ARAP2: variants seen among roughly 807,000 people sequenced by gnomAD.
ARAP2 encodes arf-GAP with Rho-GAP domain, ANK repeat and PH domain-containing protein 2.
In ARAP2, 148 loss-of-function variants were observed where a neutral mutation model predicts 194.5. That is an observed-to-expected ratio of 0.76 (90% CI 0.67 to 0.87). The LOEUF (loss-of-function observed/expected upper bound fraction) is 0.87, where lower values mean the gene tolerates loss of function less well. Among genes scored for constraint, ARAP2 ranks in the 40% least tolerant of loss-of-function variants. The pLI, the probability that ARAP2 is intolerant of heterozygous loss-of-function variation, is 0.00. For synonymous variants in ARAP2, 695 were observed against 683.5 expected (o/e 1.02, Z -0.26); for missense variants, 2,128 against 1,989.7 (o/e 1.07, Z -1.32).
intron 25 of ARAP2, among the ~76,000 whole-genome samples, chr4:36,114,745 G>T (rs577904043): frequency 6.6e-6 from 1 of 152,078 alleles, no homozygotes; most frequent in South Asian, 2.1e-4. Context: ...TTGGTAGTCT[G>T]TGGTGTGCCC....
chr4:36,041,245 C>G (rs1251135907), intron 5 of ARAP2, among the ~76,000 whole-genome samples: 2 of 151,968 alleles, frequency 1.3e-5, no homozygotes, highest in African/African-American at 4.8e-5. Context: ...GACAACCTAC[C>G]TACAGAATGG....
At chr4:36,036,001 T>C (rs139070287) in intron 5 of ARAP2, among the ~76,000 whole-genome samples, 2 of 152,270 alleles carry the variant, frequency 1.3e-5, no homozygotes, top group African/African-American at 4.8e-5. Context: ...ATTTTTTTCA[T>C]GCTGCAACGT....
At chr4:36,062,641 T>TGTGC (rs139729844), downstream of ARAP2, among the ~76,000 whole-genome samples, 2 of 149,574 alleles carry the variant, frequency 1.3e-5, no homozygotes, top group Non-Finnish European at 3.0e-5. Context: ...AGAGTGTGTG[T>TGTGC]GTGTGTGTGT....
chr4:36,088,663 A>G (rs1358466999), intron 28 of ARAP2, among the ~76,000 whole-genome samples: 3 of 152,082 alleles, frequency 2.0e-5, no homozygotes, highest in Non-Finnish European at 4.4e-5. Context: ...TGGAATGTAT[A>G]CACAGAATAC....
chr4:36,060,067 A>G lies in ARAP2; in HGVS notation n.148-1924T>C, dbSNP rs145902317. ...TCCTCCCCAGTGAGATATAAATGCT[A>G]CTTCTATCTTATGAAGGTTGTTGTT... On this transcript the variant is annotated intron_variant and non_coding_transcript_variant, in intron 1 of 12. Transcript: ENST00000503225. Among the ~76,000 whole-genome samples, 1,118 of 152,270 alleles carry G rather than the reference A, an allele frequency of 7.3e-3. 6 individuals carry two copies. The highest frequency in any genetic ancestry group is 0.011 in the Non-Finnish European group (752 of 67,996).
At chr4:36,210,103 T>G (rs1162815242) in intron 6 of ARAP2, among the ~76,000 whole-genome samples, 3 of 152,170 alleles carry the variant, frequency 2.0e-5, no homozygotes, top group African/African-American at 7.2e-5. Context: ...TTAGCACATT[T>G]TGATGCGAAC....
At position 36,160,600 on chromosome 4, in the gene ARAP2, C is replaced by A; in HGVS notation, c.2301G>T (p.Trp767Cys). 1.3e-6 allele frequency: 2 copies of A among 1,496,292 alleles called. No homozygotes were observed. The highest frequency in any genetic ancestry group is 2.7e-5 in the Admixed American group (1 of 36,926). 92.7% of individuals were successfully genotyped at this position (1,496,292 alleles called of 1,614,324 possible). The change falls in exon 13 of 33, where the codon TGG becomes TGT. Residue 767 changes from tryptophan (W) to cysteine (C), a missense_variant. Transcript: ENST00000303965. ...VIGNKRANDF[W>C]AGNLQKDEEL... is the part of the protein sequence containing the mutation. Reference sequence around the variant, plus strand: ...CTTCATCCTTTTGAAGATTACCAGCCCAAAAGTCATTTGCTCTTTTGTTTC... The same window carrying A: ...CTTCATCCTTTTGAAGATTACCAGCACAAAAGTCATTTGCTCTTTTGTTTC...
chr4:36,146,403 C>A (rs1222849717), intron 19 of ARAP2, among the ~76,000 whole-genome samples: 1 of 152,034 alleles, frequency 6.6e-6, no homozygotes, highest in East Asian at 1.9e-4. Context: ...CAAATATTCA[C>A]ACATCATGAC....
Position 36,228,715 on chromosome 4 carries a change from A to G in ARAP2, c.772T>C (p.Tyr258His). Residue 258 changes from tyrosine to histidine, a missense_variant, in exon 2 of 33, where the codon TAT becomes CAT. Tyr to His is a moderately conservative substitution (Grantham distance 83). Coordinates refer to ENST00000303965, the MANE Select transcript of ARAP2 (RefSeq NM_015230.4). Reference sequence around the variant, plus strand: ...GCTAGGATTGGTGATGATGGAACATACAAGTCATTTACAATCATTTCTCCT... The same window carrying G: ...GCTAGGATTGGTGATGATGGAACATGCAAGTCATTTACAATCATTTCTCCT... ...FQGEMIVNDL[Y>H]VPSSPILAPV... 6.2e-7 allele frequency: 1 copy of G among 1,614,136 alleles called. No individual in the cohort carries two copies. Among genetic ancestry groups the G allele is most frequent in the Non-Finnish European group, 8.5e-7 (1 of 1,180,004 alleles).
chr4:36,196,598 G>A (rs922337901), intron 6 of ARAP2, among the ~76,000 whole-genome samples: 1 of 152,044 alleles, frequency 6.6e-6, no homozygotes, highest in Non-Finnish European at 1.5e-5. Context: ...TGAAGGGACA[G>A]GTAAATAAGA....
intron 19 of ARAP2, among the ~76,000 whole-genome samples, chr4:36,141,342 G>C (rs985716829): frequency 1.3e-5 from 2 of 151,558 alleles, no homozygotes; most frequent in Admixed American, 6.6e-5. Flanking sequence ...GTGTGATCAA[G>C]AAAGCTTTAT....
At chr4:36,142,334 A>G (rs1728546094) in intron 19 of ARAP2, among the ~76,000 whole-genome samples, 1 of 151,528 alleles carries the variant, frequency 6.6e-6, no homozygotes. Flanking sequence ...TTTCCATCAA[A>G]ATTTAAACTT....
At chr4:36,188,126 T>A (rs1159188592) in intron 7 of ARAP2, among the ~76,000 whole-genome samples, 1 of 152,174 alleles carries the variant, frequency 6.6e-6, no homozygotes, top group Non-Finnish European at 1.5e-5. Context: ...AAAAGACAGA[T>A]TTTTCTGTTT....
At chr4:36,046,420 C>A (rs908750066) in intron 4 of ARAP2, among the ~76,000 whole-genome samples, 1 of 152,066 alleles carries the variant, frequency 6.6e-6, no homozygotes, top group African/African-American at 2.4e-5. Flanking sequence ...AGCTCCTGGG[C>A]TCAAGGAATC....
intron 11 of ARAP2, 56 bp from the exon 12 acceptor site, chr4:36,161,606 C>A (rs1442709617): frequency 1.4e-6 from 2 of 1,466,608 alleles, no homozygotes; most frequent in Non-Finnish European, 1.9e-6. Flanking sequence ...ATTTATTTTA[C>A]CTTGTTTTGA....
At chr4:36,099,898 A>G (rs1417252968) in intron 27 of ARAP2, among the ~76,000 whole-genome samples, 1 of 152,092 alleles carries the variant, frequency 6.6e-6, no homozygotes, top group Non-Finnish European at 1.5e-5. Flanking sequence ...TGGAGGGAGG[A>G]CATAATTTTT....
intron 1 of ARAP2, among the ~76,000 whole-genome samples, chr4:36,231,105 G>A (rs1367519698): frequency 6.6e-6 from 1 of 152,162 alleles, no homozygotes; most frequent in East Asian, 1.9e-4. Flanking sequence ...GGGAGGCCAA[G>A]GCTGGCAGAT....
At chr4:36,043,849 A>G (rs1364927971) in intron 5 of ARAP2, among the ~76,000 whole-genome samples, 11 of 12,934 alleles carry the variant, frequency 8.5e-4, no homozygotes, top group Admixed American at 1.4e-3. Flanking sequence ...GGGAGGGGGG[A>G]GGGGAGGGGG....
chr4:36,099,623 T>G (rs1716306967), intron 27 of ARAP2, among the ~76,000 whole-genome samples: 3 of 152,108 alleles, frequency 2.0e-5, no homozygotes, highest in South Asian at 4.1e-4. Context: ...ATTTCCTGTT[T>G]AAAATAATGT....
Sources: gnomAD v4.1 joint callset for allele counts (sites outside exome capture counted in the v4.1 genomes callset) on GRCh38, gnomAD v4.1.1 for gene constraint, MANE v1.5 for transcripts, NCBI Gene and HGNC (gene_info 2026-07-23, HGNC 2026-07-21) for gene names.